FAAH2: variants seen among roughly 807,000 people sequenced by gnomAD.
FAAH2 encodes fatty-acid amide hydrolase 2.
FAAH2 carries 60 observed loss-of-function variants against 36.9 expected under a neutral mutation model. The ratio of observed to expected loss-of-function variants is 1.63; its 90% CI spans 1.32 to 2.02. The LOEUF is 2.02. FAAH2 is among the 30% of genes most tolerant of loss of function. FAAH2 has a pLI of 0.00. For missense variants in FAAH2, 689 were observed against 397.5 expected, an observed-to-expected ratio of 1.73 and a Z score of -6.23; for synonymous variants, 214 against 143.8, an observed-to-expected ratio of 1.49 and a Z score of -3.49.
the FAAH2 span, among the ~76,000 whole-genome samples, chrX:57,163,958 T>C: frequency 8.9e-6 from 1 of 112,576 alleles, no homozygotes; most frequent in African/African-American, 3.2e-5. Flanking sequence ...TGTGGAATTC[T>C]GATGATTTCC....
chrX:57,342,266 G>A (rs4826541), intron 5 of FAAH2, among the ~76,000 whole-genome samples: 35,490 of 110,169 alleles, frequency 0.32, 4,587 homozygotes, highest in Middle Eastern at 0.61. Context: ...ACTAACGCAG[G>A]AACAGAAAAC....
intron 5 of FAAH2, among the ~76,000 whole-genome samples, chrX:57,368,057 A>G (rs1316403010): frequency 9.0e-6 from 1 of 111,023 alleles, no homozygotes; most frequent in Non-Finnish European, 1.9e-5. Flanking sequence ...GTAGTACACC[A>G]TTACTCAGCC....
At chrX:57,128,248 A>G in the FAAH2 span, among the ~76,000 whole-genome samples, 2 of 111,715 alleles carry the variant, frequency 1.8e-5, no homozygotes, top group African/African-American at 6.5e-5. Context: ...CTTTCCAGAT[A>G]AAGAAGACTC....
chrX:57,312,396 G>T (rs769997243), intron 3 of FAAH2, among the ~76,000 whole-genome samples: 1 of 111,996 alleles, frequency 8.9e-6, no homozygotes, highest in South Asian at 3.7e-4. Flanking sequence ...ATAGAGGCCA[G>T]GCACAGTGGC....
At chrX:57,347,621 T>G (rs1355104796) in intron 5 of FAAH2, among the ~76,000 whole-genome samples, 2 of 33,020 alleles carry the variant, frequency 6.1e-5, no homozygotes, top group Non-Finnish European at 3.4e-4. Flanking sequence ...TTTTTTTTTT[T>G]TTTTTTTTTT....
At chrX:57,285,102 T>TGTAATGG (rs1323019498), upstream of FAAH2, among the ~76,000 whole-genome samples, 1 of 112,609 alleles carries the variant, frequency 8.9e-6, no homozygotes, top group Admixed American at 9.4e-5. Context: ...TAATGGAGCC[T>TGTAATGG]AGATTATGAC....
At chrX:57,252,512 G>A in the FAAH2 span, among the ~76,000 whole-genome samples, 2 of 111,866 alleles carry the variant, frequency 1.8e-5, no homozygotes, top group African/African-American at 6.5e-5. Flanking sequence ...CCTCATACAG[G>A]ACATCTCTGG....
At chrX:57,430,233 C>T (rs1191633845) in intron 7 of FAAH2, among the ~76,000 whole-genome samples, 1 of 111,951 alleles carries the variant, frequency 8.9e-6, no homozygotes, top group African/African-American at 3.2e-5. Context: ...CCATAAGCCA[C>T]TATTCTGATT....
At chrX:57,243,840 C>T in the FAAH2 span, among the ~76,000 whole-genome samples, 6 of 110,510 alleles carry the variant, frequency 5.4e-5, no homozygotes, top group African/African-American at 2.0e-4. Context: ...GGCCTCTTCT[C>T]CTCCAAAGGA....
the FAAH2 span, among the ~76,000 whole-genome samples, chrX:57,254,671 A>T: frequency 8.9e-6 from 1 of 111,846 alleles, no homozygotes; most frequent in African/African-American, 3.3e-5. Context: ...CTCCTGAATG[A>T]CTACTGGGTA....
intron 4 of FAAH2, among the ~76,000 whole-genome samples, chrX:57,339,540 A>T (rs2147047994): frequency 9.6e-6 from 1 of 104,232 alleles, no homozygotes; most frequent in African/African-American, 3.7e-5. Flanking sequence ...TATGCAGTGT[A>T]CAAGGAACTT....
the FAAH2 span, among the ~76,000 whole-genome samples, chrX:57,256,696 G>A: frequency 4.8e-3 from 533 of 111,903 alleles, 3 homozygotes; most frequent in African/African-American, 0.016. Flanking sequence ...TTGACAAATA[G>A]GAGCTAATTA....
intron 4 of FAAH2, among the ~76,000 whole-genome samples, chrX:57,335,191 T>A (rs1254491606): frequency 1.8e-5 from 2 of 111,820 alleles, no homozygotes; most frequent in Admixed American, 1.9e-4. Context: ...CCTCCACACC[T>A]GTGGGCGTTT....
intron 10 of FAAH2, among the ~76,000 whole-genome samples, chrX:57,476,655 G>A (rs2057274738): frequency 9.0e-6 from 1 of 110,827 alleles, no homozygotes; most frequent in Non-Finnish European, 1.9e-5. Flanking sequence ...TTCCTTTTTT[G>A]TTGTGTCTCT....
intron 2 of FAAH2, among the ~76,000 whole-genome samples, chrX:57,309,480 A>C (rs948129591): frequency 1.8e-5 from 2 of 111,981 alleles, no homozygotes; most frequent in Non-Finnish European, 3.8e-5. Flanking sequence ...TATTTTAAGT[A>C]CTGGGGTACA....
chrX:57,487,187 A>T (rs2057489953), intron 10 of FAAH2, among the ~76,000 whole-genome samples: 2 of 111,276 alleles, frequency 1.8e-5, no homozygotes, highest in South Asian at 7.6e-4. Context: ...ATATTTTTAT[A>T]AGGAAACATG....
the FAAH2 span, among the ~76,000 whole-genome samples, chrX:57,261,045 T>TA: frequency 9.0e-6 from 1 of 111,686 alleles, no homozygotes; most frequent in Non-Finnish European, 1.9e-5. Flanking sequence ...GATGTTTTTC[T>TA]AAAATATAAT....
chrX:57,425,229 C>A (rs1403686216), intron 7 of FAAH2, among the ~76,000 whole-genome samples: 2 of 111,418 alleles, frequency 1.8e-5, no homozygotes, highest in Admixed American at 9.6e-5. Flanking sequence ...TATGTAAAAT[C>A]TCCAAACCTA....
chrX:57,455,835 G>A (rs1238459713), intron 10 of FAAH2, among the ~76,000 whole-genome samples: 1 of 111,902 alleles, frequency 8.9e-6, no homozygotes, highest in Non-Finnish European at 1.9e-5. Flanking sequence ...GAAAGATTTA[G>A]ACAGCCACAA....
Sources: allele counts gnomAD v4.1 joint callset (sites outside exome capture counted in the v4.1 genomes callset), GRCh38; gene constraint gnomAD v4.1.1; transcripts MANE v1.5; gene names NCBI Gene and HGNC (gene_info 2026-07-23, HGNC 2026-07-21).